Variants in OCRL observed in about 807,000 individuals in gnomAD.
OCRL encodes inositol polyphosphate 5-phosphatase OCRL.
In OCRL, 8 loss-of-function variants were observed where a neutral mutation model predicts 78.9. The observed-to-expected ratio is 0.10, with a 90% CI of 0.06 to 0.18. OCRL has a LOEUF of 0.18. Among genes scored for constraint, OCRL ranks in the 10% least tolerant of loss-of-function variants. The pLI, the probability that OCRL is intolerant of heterozygous loss-of-function variation, is 1.00. For missense variants in OCRL, 454 were observed against 696.7 expected (o/e 0.65, Z 3.92); for synonymous variants, 240 against 235.4 (o/e 1.02, Z -0.18).
chrX:129,570,640 AAAT>A (rs767038224), intron 15 of OCRL, among the ~76,000 whole-genome samples: 230 of 112,640 alleles, frequency 2.0e-3, no homozygotes, highest in African/African-American at 6.4e-3. Context: ...TGAAATTTTA[AAAT>A]AATAATCATT....
At chrX:129,559,645 AG>A (rs2124403301) in intron 8 of OCRL, among the ~76,000 whole-genome samples, 1 of 111,194 alleles carries the variant, frequency 9.0e-6, no homozygotes, top group African/African-American at 3.3e-5. Flanking sequence ...TGGCCTGTTA[AG>A]TTTTTTTTTT....
At chrX:129,581,831 T>TCTCTCTC (rs1936444420) in intron 18 of OCRL, among the ~76,000 whole-genome samples, 1 of 65,599 alleles carries the variant, frequency 1.5e-5, no homozygotes, top group African/African-American at 8.3e-5. Context: ...CCCTTTGTCT[T>TCTCTCTC]TCTCTCTCTC....
intron 2 of OCRL, among the ~76,000 whole-genome samples, chrX:129,544,334 C>T: frequency 9.0e-6 from 1 of 111,014 alleles, no homozygotes; most frequent in Non-Finnish European, 1.9e-5. Flanking sequence ...AACTTGGAAA[C>T]CAGAGAAGAA....
intron 12 of OCRL, among the ~76,000 whole-genome samples, chrX:129,564,035 AC>A (rs1936179925): frequency 1.8e-5 from 2 of 109,787 alleles, no homozygotes; most frequent in Non-Finnish European, 1.9e-5. Context: ...CAAGAAAAAA[AC>A]AACCCCATCA....
At chrX:129,584,400 C>T in intron 19 of OCRL, 33 bp downstream of exon 19, 1 of 1,176,491 alleles carries the variant, frequency 8.5e-7, no homozygotes, top group African/African-American at 1.8e-5. Context: ...ATGAGAGTTT[C>T]CCTGTGCTTG....
chrX:129,570,312 CTG>C (rs1451826705), intron 15 of OCRL, among the ~76,000 whole-genome samples: 13 of 112,065 alleles, frequency 1.2e-4, no homozygotes, highest in African/African-American at 3.6e-4. Context: ...CACTTTCTAA[CTG>C]TGTAACCATG....
chrX:129,584,199 AATTT>A, intron 18 of OCRL, 141 bp from the exon 19 acceptor site: 6 of 497,898 alleles, frequency 1.2e-5, no homozygotes, highest in Non-Finnish European at 2.1e-5. Context: ...CAACAATCAT[AATTT>A]ATTTGAAGAA....
At chrX:129,573,022 CT>C (rs1248122357) in intron 15 of OCRL, among the ~76,000 whole-genome samples, 1 of 111,734 alleles carries the variant, frequency 8.9e-6, no homozygotes, top group Non-Finnish European at 1.9e-5. Context: ...GTGCAAAATA[CT>C]TTTGGAAATT....
rs776946722 is a variant in OCRL at position 129,558,848 on chromosome X, G to A, written c.569G>A (p.Arg190His). ...PPFSVNKMLP[R>H]EKEASNKEQP... ...TCTCATTTATTTGCTAGGCTTCCAC[G>A]TGAAAAAGAAGCTTCTAACAAGGAG... Residue 190 changes from arginine (R) to histidine (H), a missense_variant, in exon 8 of 24, where the codon CGT becomes CAT. Coordinates refer to ENST00000371113, the MANE Select transcript of OCRL (RefSeq NM_000276.4). The A allele has an allele frequency of 5.0e-6, 6 of 1,211,817 alleles. No homozygotes were observed. In the South Asian group the frequency reaches 5.3e-5, roughly 11 times the overall value.
rs1466082048 is a variant in OCRL at position 129,558,741 on chromosome X, C to T, written c.548C>T (p.Ser183Leu). 5.0e-6 allele frequency: 6 copies of T among 1,211,003 alleles called. No homozygotes were observed. The highest frequency in any genetic ancestry group is 6.7e-6 in the Non-Finnish European group (6 of 895,335). The change falls in exon 7 of 24, where the codon TCA becomes TTA. Residue 183 changes from serine (S) to leucine (L), a missense_variant. Ser to Leu is a moderately radical substitution (Grantham distance 145, BLOSUM62 -2). Coordinates refer to ENST00000371113, the MANE Select transcript of OCRL (RefSeq NM_000276.4). ...IHREPPPPPFSVNKMLPREKE... is the reference protein window; with the variant it reads ...IHREPPPPPFLVNKMLPREKE... ...CGGGAACCCCCACCTCCACCCTTTT[C>T]AGTGAATAAAATGTAAGTCCCATGT...
Position 129,589,968 on chromosome X carries a change from T to C in OCRL, c.2581+12T>C. On this transcript the variant is annotated intron_variant, in intron 23 of 23. Transcript: ENST00000371113. ...TGCCAACATGATCGGTAAGAGTGCT[T>C]CATGCAACACGGGGCGTTTGTTGAG... is the stretch of plus-strand genomic sequence containing the variant. The C allele has an allele frequency of 8.6e-7, 1 of 1,164,970 alleles. No individual in the cohort carries two copies. Among genetic ancestry groups the C allele is most frequent in the South Asian group, 1.8e-5 (1 of 55,879 alleles).
In OCRL at chrX:129,558,745, G is replaced by T; in HGVS notation, c.552G>T (p.Val184=). 8.2e-7 allele frequency: 1 copy of T among 1,212,145 alleles called. No individual in the cohort carries two copies. ...HREPPPPPFS[V]NKMLPREKEA... ...AACCCCCACCTCCACCCTTTTCAGT[G>T]AATAAAATGTAAGTCCCATGTGAAA... The change falls in exon 7 of 24, where the codon GTG becomes GTT. Residue 184 remains valine (V), a synonymous_variant. Transcript: ENST00000371113.
At chrX:129,564,621 AC>A (rs1429659682) in intron 12 of OCRL, among the ~76,000 whole-genome samples, 27 of 110,935 alleles carry the variant, frequency 2.4e-4, no homozygotes, top group Non-Finnish European at 4.3e-4. Context: ...TATCGCAAGA[AC>A]AAAAAACCAA....
At chrX:129,561,367 A>G in intron 10 of OCRL, 74 bp downstream of exon 10, 1 of 635,533 alleles carries the variant, frequency 1.6e-6, no homozygotes. Context: ...ATTATCTACA[A>G]CTTGTTCCAA....
At chrX:129,540,560 G>A in intron 1 of OCRL, 82 bp downstream of exon 1, 1 of 1,055,576 alleles carries the variant, frequency 9.5e-7, no homozygotes, top group South Asian at 2.1e-5. Flanking sequence ...ACGGTGGGGC[G>A]GGGCAACCGG....
intron 4 of OCRL, among the ~76,000 whole-genome samples, chrX:129,552,367 G>T (rs1187141564): frequency 8.9e-6 from 1 of 112,145 alleles, no homozygotes; most frequent in Non-Finnish European, 1.9e-5. Flanking sequence ...CACAAAGAAT[G>T]AGTTTTCCTC....
chrX:129,544,668 C>G (rs747248365), intron 2 of OCRL, among the ~76,000 whole-genome samples: 1 of 111,758 alleles, frequency 8.9e-6, no homozygotes, highest in Non-Finnish European at 1.9e-5. Flanking sequence ...GTTCTTCACT[C>G]TGGTATGCAT....
intron 4 of OCRL, 146 bp downstream of exon 4, chrX:129,548,747 G>A (rs1453341532): frequency 2.0e-6 from 1 of 493,494 alleles, no homozygotes; most frequent in East Asian, 3.6e-5. Flanking sequence ...AATTAGCACT[G>A]TTTCCCAAAA....
At chrX:129,586,949 C>A in intron 19 of OCRL, 53 bp from the exon 20 acceptor site, 1 of 802,734 alleles carries the variant, frequency 1.2e-6, no homozygotes, top group Non-Finnish European at 1.9e-6. Context: ...AAGTTATACA[C>A]CAAAGTCTTT....
Sources: gnomAD v4.1 joint callset for allele counts (sites outside exome capture counted in the v4.1 genomes callset) on GRCh38, gnomAD v4.1.1 for gene constraint, MANE v1.5 for transcripts, NCBI Gene and HGNC (gene_info 2026-07-23, HGNC 2026-07-21) for gene names.